KAZN: variants seen among roughly 807,000 people sequenced by gnomAD.
The protein encoded by KAZN is kazrin, periplakin interacting protein, also known as kazrin.
In KAZN, 40 loss-of-function variants were observed where a neutral mutation model predicts 87.4. That is an observed-to-expected ratio of 0.46 (90% confidence interval 0.36 to 0.60). The LOEUF is 0.60. Among genes scored for constraint, KAZN ranks in the 20% least tolerant of loss-of-function variants. The pLI is 0.00. For missense variants in KAZN, 898 were observed against 1,073.9 expected (o/e 0.84, Z 2.29); for synonymous variants, 466 against 458.3 (o/e 1.02, Z -0.22).
At chr1:14,187,590 C>A (rs1646335060) in intron 2 of KAZN, among the ~76,000 whole-genome samples, 1 of 152,124 alleles carries the variant, frequency 6.6e-6, no homozygotes, top group Non-Finnish European at 1.5e-5. Flanking sequence ...TGCTTCCCTC[C>A]CACACCAGGT....
chr1:15,042,112 C>G (rs1178545815), intron 3 of KAZN, among the ~76,000 whole-genome samples: 1 of 152,198 alleles, frequency 6.6e-6, no homozygotes, highest in Non-Finnish European at 1.5e-5. Context: ...CGGCCTAGAG[C>G]CCTTGGTCTG....
At position 13,933,488 on chromosome 1, in the gene KAZN, G is replaced by A. The variant is rs191095986; in HGVS notation, c.91+39732G>A. Among the ~76,000 whole-genome samples the A allele has an allele frequency of 1.6e-3, 244 of 152,144 alleles. 9 individuals carry two copies. The South Asian group carries it at 0.044, about 27-fold the overall frequency. On this transcript the variant is annotated intron_variant, in intron 1 of 16. Transcript: ENST00000636203. ...GCCTAGGCAACAAGAGCAAAACTCC[G>A]TCCCCCCCAAAAAATATTAATCAAG...
At chr1:14,690,880 C>T (rs1641250049) in intron 1 of KAZN, among the ~76,000 whole-genome samples, 1 of 152,192 alleles carries the variant, frequency 6.6e-6, no homozygotes, top group East Asian at 1.9e-4. Context: ...TGTTGAGATA[C>T]CTGGTTTTAT....
intron 1 of KAZN, among the ~76,000 whole-genome samples, chr1:14,805,334 A>T (rs1272221743): frequency 6.6e-6 from 1 of 152,136 alleles, no homozygotes; most frequent in Admixed American, 6.5e-5. Flanking sequence ...AGCCCACAGC[A>T]GGGGAGAGGG....
chr1:14,568,079 G>A (rs1674645975), intron 2 of KAZN, among the ~76,000 whole-genome samples: 1 of 152,138 alleles, frequency 6.6e-6, no homozygotes, highest in Non-Finnish European at 1.5e-5. Context: ...AGTTTTAAAA[G>A]GGGGATTACT....
At chr1:14,406,498 A>C (rs12410199) in intron 2 of KAZN, among the ~76,000 whole-genome samples, 25,549 of 152,020 alleles carry the variant, frequency 0.17, 2,190 homozygotes, top group East Asian at 0.23. Context: ...TATGAGGATG[A>C]AAAGGCATAA....
At chr1:14,481,167 A>G (rs1362264564) in intron 2 of KAZN, among the ~76,000 whole-genome samples, 1 of 152,056 alleles carries the variant, frequency 6.6e-6, no homozygotes, top group African/African-American at 2.4e-5. Context: ...CTAAGTTCAA[A>G]TTCTACCTCT....
chr1:14,428,826 T>C (rs939668216), intron 2 of KAZN, among the ~76,000 whole-genome samples: 7 of 151,948 alleles, frequency 4.6e-5, no homozygotes, highest in Admixed American at 4.6e-4. Context: ...CTCCACCTGG[T>C]CCCTCCCATG....
chr1:14,221,255 C>T (rs918106855), intron 2 of KAZN, among the ~76,000 whole-genome samples: 15 of 152,032 alleles, frequency 9.9e-5, no homozygotes, highest in African/African-American at 2.9e-4. Context: ...CAACTATATT[C>T]GAAAGGTAAG....
Position 14,166,184 on chromosome 1 carries a change from G to C in KAZN, c.92-14251G>C, listed in dbSNP as rs371286272. 4.6e-4 allele frequency among the ~76,000 whole-genome samples: 70 copies of C among 152,252 alleles called. 1 individual carries two copies. The South Asian group carries it at 0.014, about 30-fold the overall frequency. On this transcript the variant is annotated intron_variant, in intron 1 of 16. Coordinates refer to the KAZN transcript ENST00000636203. The stretch of plus-strand genomic sequence containing the variant: ...ACAAAAATTAGCTGGGCATGGTGGC[G>C]TGCGCCTGTAATCCCAGCTACCCAG...
chr1:14,608,779 C>T (rs1278352086), intron 1 of KAZN, among the ~76,000 whole-genome samples: 1 of 152,226 alleles, frequency 6.6e-6, no homozygotes, highest in African/African-American at 2.4e-5. Flanking sequence ...GTATCATCTT[C>T]GCAGCCAGGT....
At chr1:14,707,470 C>T (rs1462003002) in intron 1 of KAZN, among the ~76,000 whole-genome samples, 1 of 152,198 alleles carries the variant, frequency 6.6e-6, no homozygotes, top group Non-Finnish European at 1.5e-5. Flanking sequence ...CGGCCATCAA[C>T]TTTCTTGTCT....
intron 1 of KAZN, among the ~76,000 whole-genome samples, chr1:14,893,666 G>C (rs1654964237): frequency 6.6e-6 from 1 of 152,112 alleles, no homozygotes; most frequent in Non-Finnish European, 1.5e-5. Context: ...CTGGAGTTTT[G>C]TATCACCCTT....
chr1:14,965,701 CATTAT>C (rs1352875506), intron 2 of KAZN, among the ~76,000 whole-genome samples: 1 of 151,954 alleles, frequency 6.6e-6, no homozygotes. Flanking sequence ...GTTTGTTTGC[CATTAT>C]ATAACACTGT....
At chr1:14,481,482 G>C (rs1358677745) in intron 2 of KAZN, among the ~76,000 whole-genome samples, 1 of 152,072 alleles carries the variant, frequency 6.6e-6, no homozygotes, top group African/African-American at 2.4e-5. Flanking sequence ...CAAGTTCCAA[G>C]TTCTATCTCC....
chr1:14,566,560 A>C (rs982278251), intron 2 of KAZN, among the ~76,000 whole-genome samples: 1 of 152,226 alleles, frequency 6.6e-6, no homozygotes, highest in Non-Finnish European at 1.5e-5. Flanking sequence ...AATTTCTCTT[A>C]CCCACTTATG....
At chr1:14,505,445 C>A (rs180837439) in intron 2 of KAZN, among the ~76,000 whole-genome samples, 1 of 152,224 alleles carries the variant, frequency 6.6e-6, no homozygotes, top group African/African-American at 2.4e-5. Context: ...ACTAAAGCAA[C>A]GAAAACCTGA....
chr1:14,531,918 G>T (rs1210682306), intron 2 of KAZN, among the ~76,000 whole-genome samples: 1 of 152,114 alleles, frequency 6.6e-6, no homozygotes. Flanking sequence ...GCCTCCCCGC[G>T]GGAGAGAGGA....
chr1:14,955,228 A>G (rs1662943845), intron 1 of KAZN, among the ~76,000 whole-genome samples: 1 of 152,260 alleles, frequency 6.6e-6, no homozygotes, highest in African/African-American at 2.4e-5. Context: ...TGGTCCCGTC[A>G]GTGCAGAGGG....
Sources: gnomAD v4.1 joint callset for allele counts (sites outside exome capture counted in the v4.1 genomes callset) on GRCh38, gnomAD v4.1.1 for gene constraint, MANE v1.5 for transcripts, NCBI Gene and HGNC (gene_info 2026-07-23, HGNC 2026-07-21) for gene names.